SMARCA5: variants seen among roughly 807,000 people sequenced by gnomAD.
SMARCA5 encodes SNF2 related chromatin remodeling ATPase 5.
A neutral mutation model predicts 140.4 loss-of-function variants in SMARCA5; 18 were observed. The ratio of observed to expected loss-of-function variants is 0.13; its 90% CI spans 0.09 to 0.19. The LOEUF is 0.19. Ranked by LOEUF, SMARCA5 falls within the 10% of genes least tolerant of loss-of-function variation. SMARCA5 has a pLI of 1.00. For synonymous variants in SMARCA5, 449 were observed against 419.6 expected (o/e 1.07, Z -0.86); for missense variants, 606 against 1,276.8 (o/e 0.47, Z 8.01).
In SMARCA5 at chr4:143,536,620, A is replaced by G. The variant is rs1232076055; in HGVS notation, c.1437A>G (p.Val479=). The G allele has an allele frequency of 6.2e-7, 1 of 1,613,770 alleles. No homozygotes were observed. The highest frequency in any genetic ancestry group is 1.3e-5 in the African/African-American group (1 of 74,904). The part of the protein sequence containing the change: ...GPPYTTDMHL[V]TNSGKMVVLD... ...CTTATACAACAGATATGCATCTAGT[A>G]ACCAACAGTGGCAAAATGGTGGTTT... Residue 479 remains valine (V), a synonymous_variant, in exon 11 of 24, where the codon GTA becomes GTG. Transcript: ENST00000283131.
intron 1 of SMARCA5, among the ~76,000 whole-genome samples, chr4:143,515,609 A>T (rs1736812971): frequency 1.3e-5 from 2 of 152,216 alleles, no homozygotes; most frequent in Admixed American, 1.3e-4. Flanking sequence ...CTGAATGCAG[A>T]GTAATTTTAA....
At chr4:143,531,777 GT>G (rs1737190681) in intron 9 of SMARCA5, among the ~76,000 whole-genome samples, 1 of 152,150 alleles carries the variant, frequency 6.6e-6, no homozygotes. Flanking sequence ...TGTAAACATT[GT>G]GGTAATTCTA....
chr4:143,535,685 TTGAG>T (rs564047250), intron 10 of SMARCA5, among the ~76,000 whole-genome samples: 96 of 152,254 alleles, frequency 6.3e-4, no homozygotes, highest in Middle Eastern at 3.4e-3. Context: ...AGTTAAACAT[TTGAG>T]TGAACTTTAT....
chr4:143,546,025 A>G lies in SMARCA5; in HGVS notation c.2498A>G (p.Glu833Gly). 6.2e-7 allele frequency: 1 copy of G among 1,603,498 alleles called. No homozygotes were observed. The change falls in exon 19 of 24, where the codon GAA becomes GGA. Residue 833 changes from glutamate (E) to glycine (G), a missense_variant. Around this residue, in one of 10 missense-constraint regions of SMARCA5, gnomAD observed 121 missense variants for 227.1 expected, o/e 0.53. Coordinates refer to ENST00000283131, the MANE Select transcript of SMARCA5 (RefSeq NM_003601.4). ...TCCCTTAATGATGAAGAGTTAGAGG[A>G]AAAAGAGAAGCTTCTAACACAGGTA... ...AESLNDEELE[E>G]KEKLLTQGFT...
chr4:143,534,837 A>G lies in SMARCA5; in HGVS notation c.1159-18A>G, dbSNP rs1181354236. On this transcript the variant is annotated intron_variant, in intron 9 of 23. Coordinates refer to ENST00000283131, the MANE Select transcript of SMARCA5 (RefSeq NM_003601.4). ...TGTGTAATATTGGTATTACCTGTTTATTTTTGTCCTTTTTAAGGTTTTGCG... is the reference window on the plus strand; with the variant it reads ...TGTGTAATATTGGTATTACCTGTTTGTTTTTGTCCTTTTTAAGGTTTTGCG... 6.3e-7 allele frequency: 1 copy of G among 1,581,634 alleles called. No individual in the cohort carries two copies. The highest frequency in any genetic ancestry group is 2.3e-5 in the East Asian group (1 of 44,416).
At chr4:143,532,504 G>C (rs188977227) in intron 9 of SMARCA5, among the ~76,000 whole-genome samples, 1 of 152,236 alleles carries the variant, frequency 6.6e-6, no homozygotes, top group East Asian at 1.9e-4. Context: ...GGGAGAAGAG[G>C]TCTTGTAGCT....
chr4:143,535,230 A>G (rs573972432), intron 10 of SMARCA5, among the ~76,000 whole-genome samples: 1 of 152,274 alleles, frequency 6.6e-6, no homozygotes, highest in South Asian at 2.1e-4. Flanking sequence ...TTCATATGAA[A>G]CCATCTACTT....
intron 11 of SMARCA5, among the ~76,000 whole-genome samples, chr4:143,537,398 A>G (rs1202994049): frequency 6.6e-6 from 1 of 152,238 alleles, no homozygotes; most frequent in African/African-American, 2.4e-5. Flanking sequence ...AATAAGAATG[A>G]CATTTGGACC....
chr4:143,536,364 C>G, intron 10 of SMARCA5, 88 bp from the exon 11 acceptor site: 1 of 834,156 alleles, frequency 1.2e-6, no homozygotes, highest in Non-Finnish European at 2.0e-6. Context: ...TTTGGGGGTT[C>G]ATGTGGGGAA....
chr4:143,525,727 A>G (rs1355552821), intron 5 of SMARCA5, among the ~76,000 whole-genome samples, 176 bp downstream of exon 5: 1 of 152,222 alleles, frequency 6.6e-6, no homozygotes, highest in Non-Finnish European at 1.5e-5. Flanking sequence ...AGAAATTTCC[A>G]TCGCTGAAAA....
chr4:143,540,512 T>C lies in SMARCA5; in HGVS notation c.1903+17T>C. Reference sequence around the variant, plus strand: ...TTCAACAAGGTAAGCCATGGAACTTTAAAACTTTACCAAGTTGGATTGACA... The same window carrying C: ...TTCAACAAGGTAAGCCATGGAACTTCAAAACTTTACCAAGTTGGATTGACA... On this transcript the variant is annotated intron_variant, in intron 14 of 23. Transcript: ENST00000283131. The C allele has an allele frequency of 3.8e-6, 6 of 1,595,586 alleles. No individual in the cohort carries two copies. The highest frequency in any genetic ancestry group is 5.1e-6 in the Non-Finnish European group (6 of 1,174,114).
At chr4:143,536,319 A>C (rs1737303821) in intron 10 of SMARCA5, 133 bp from the exon 11 acceptor site, 2 of 646,138 alleles carry the variant, frequency 3.1e-6, no homozygotes, top group Admixed American at 5.4e-5. Context: ...ATTCCTAACC[A>C]TACCTAGAAG....
intron 1 of SMARCA5, among the ~76,000 whole-genome samples, chr4:143,514,817 C>T (rs558480043): frequency 6.6e-5 from 10 of 152,150 alleles, no homozygotes; most frequent in Admixed American, 6.5e-4. Context: ...GAACCAGGCG[C>T]AGTTGGTTGG....
intron 20 of SMARCA5, among the ~76,000 whole-genome samples, chr4:143,547,175 A>C (rs1737541743): frequency 1.3e-5 from 2 of 152,124 alleles, no homozygotes; most frequent in South Asian, 4.1e-4. Context: ...TTTTTATCTT[A>C]ATTTCTCTGC....
In SMARCA5 at chr4:143,513,758, T is replaced by TGGGCCCGGCTC. The variant is rs746632024; in HGVS notation, c.-166_-156dup. 1,600 of 711,500 alleles carry TGGGCCCGGCTC rather than the reference T, an allele frequency of 2.2e-3. 1 individual carries two copies. The highest frequency in any genetic ancestry group is 3.1e-3 in the Non-Finnish European group (1,385 of 441,002). 44.1% of individuals were successfully genotyped at this position (711,500 alleles called of 1,614,324 possible). ...AGAACGTTTGGGAGTGTGCAGCTCC[T>TGGGCCCGGCTC]GGGCCCGGCTCAGGCCCGTCGCGGA... On this transcript the variant is annotated 5_prime_UTR_variant, in exon 1 of 24. Coordinates refer to ENST00000283131, the MANE Select transcript of SMARCA5 (RefSeq NM_003601.4).
chr4:143,548,505 T>TATAA (rs1457536602), intron 22 of SMARCA5, among the ~76,000 whole-genome samples: 4 of 152,084 alleles, frequency 2.6e-5, no homozygotes, highest in African/African-American at 9.7e-5. Context: ...ATTTATTTAA[T>TATAA]ATAAATCATC....
In SMARCA5 at chr4:143,532,509, GTAGC is replaced by G. The variant is rs1737210519; in HGVS notation, c.1158+1986_1158+1989del. ...TATGAAGTCAGGGAGAAGAGGTCTT[GTAGC>G]TACCTCTCTACTTTCTCCTGCTCTT... On this transcript the variant is annotated intron_variant, in intron 9 of 23. Coordinates refer to ENST00000283131, the MANE Select transcript of SMARCA5 (RefSeq NM_003601.4). Among the ~76,000 whole-genome samples the G allele has an allele frequency of 2.0e-5, 3 of 152,298 alleles. No homozygotes were observed. In the East Asian group the frequency reaches 5.8e-4, roughly 29 times the overall value.
chr4:143,545,626 A>G lies in SMARCA5; in HGVS notation c.2397+43A>G, dbSNP rs761502502. 4 of 1,157,258 alleles carry G rather than the reference A, an allele frequency of 3.5e-6. No homozygotes were observed. In the African/African-American group the frequency reaches 6.2e-5, roughly 18 times the overall value. The allele number at this position is 1,157,258 out of a possible 1,614,324, so 71.7% of individuals were successfully genotyped here. A position where few individuals can be genotyped will look rare whatever the true frequency, so the allele number is the denominator to read the frequency against. On this transcript the variant is annotated intron_variant, in intron 18 of 23. Transcript: ENST00000283131. Reference sequence around the variant, plus strand: ...CCTTTCTGTTCATTCCTATCCAGAAATTATGGAAGGTATAAACATTAGTTA... The same window carrying G: ...CCTTTCTGTTCATTCCTATCCAGAAGTTATGGAAGGTATAAACATTAGTTA...
At position 143,534,993 on chromosome 4, in the gene SMARCA5, A is replaced by T. The variant is rs533918469; in HGVS notation, c.1268+29A>T. 5.1e-6 allele frequency: 7 copies of T among 1,378,956 alleles called. No homozygotes were observed. In the Admixed American group the frequency reaches 6.2e-5, roughly 12 times the overall value. The allele number at this position is 1,378,956 out of a possible 1,614,324, so 85.4% of individuals were successfully genotyped here. On this transcript the variant is annotated intron_variant, in intron 10 of 23. Coordinates refer to ENST00000283131, the MANE Select transcript of SMARCA5 (RefSeq NM_003601.4). Reference sequence around the variant, plus strand: ...TGTATTCTCAGATGTACTTGATAGCACTATTGATTCTTCCCTAAATTTCAT... The same window carrying T: ...TGTATTCTCAGATGTACTTGATAGCTCTATTGATTCTTCCCTAAATTTCAT...
Sources: allele counts gnomAD v4.1 joint callset (sites outside exome capture counted in the v4.1 genomes callset), GRCh38; gene constraint gnomAD v4.1.1; regional missense constraint gnomAD v4.1.1; transcripts MANE v1.5; gene names NCBI Gene and HGNC (gene_info 2026-07-23, HGNC 2026-07-21).